Variants in MINDY3 observed in about 807,000 individuals in gnomAD.
MINDY3 encodes the protein ubiquitin carboxyl-terminal hydrolase MINDY-3.
Under a neutral mutation model 69.2 loss-of-function variants are expected in MINDY3, and 38 were observed. The observed-to-expected ratio is 0.55, with a 90% confidence interval of 0.42 to 0.72. The LOEUF (loss-of-function observed/expected upper bound fraction) is 0.72, where lower values mean the gene tolerates loss of function less well. Ranked by LOEUF, MINDY3 falls within the 30% of genes least tolerant of loss-of-function variation. The probability of loss-of-function intolerance (pLI) is 0.00; values close to 1 mark genes in which losing one functional copy is unlikely to be tolerated. For synonymous variants in MINDY3, 192 were observed against 180.1 expected, an observed-to-expected ratio of 1.07 and a Z score of -0.53; for missense variants, 522 against 519.0, an observed-to-expected ratio of 1.01 and a Z score of -0.06.
intron 1 of MINDY3, among the ~76,000 whole-genome samples, chr10:15,848,314 T>G (rs755845888): frequency 1.6e-4 from 25 of 152,144 alleles, no homozygotes; most frequent in Non-Finnish European, 2.6e-4. Context: ...CATTTCAAAC[T>G]TTCTGTCACA....
At chr10:15,839,844 G>A (rs1251826992) in intron 4 of MINDY3, among the ~76,000 whole-genome samples, 1 of 151,582 alleles carries the variant, frequency 6.6e-6, no homozygotes, top group Non-Finnish European at 1.5e-5. Context: ...CTTTTAAAAT[G>A]AGATACAAAG....
At chr10:15,852,986 A>G (rs1324818793) in intron 1 of MINDY3, among the ~76,000 whole-genome samples, 1 of 152,148 alleles carries the variant, frequency 6.6e-6, no homozygotes, top group Non-Finnish European at 1.5e-5. Flanking sequence ...GATTATTTAA[A>G]GTGTAGGGGA....
At position 15,828,496 on chromosome 10, in the gene MINDY3, C is replaced by T. The variant is rs1840242365; in HGVS notation, c.730+5134G>A. Among the ~76,000 whole-genome samples the T allele has an allele frequency of 2.6e-5, 4 of 151,522 alleles. No homozygotes were observed. In the South Asian group the frequency reaches 8.3e-4, roughly 31 times the overall value. Reference sequence around the variant, plus strand: ...ATTGATTGTGGTGATGGCTAAACAACTCTGAGAAAATATTTAAAATACTGA... The same window carrying T: ...ATTGATTGTGGTGATGGCTAAACAATTCTGAGAAAATATTTAAAATACTGA... On this transcript the variant is annotated intron_variant, in intron 8 of 14. Transcript: ENST00000277632.
chr10:15,846,881 G>A (rs893652169), intron 2 of MINDY3, among the ~76,000 whole-genome samples: 3 of 151,792 alleles, frequency 2.0e-5, no homozygotes, highest in Non-Finnish European at 2.9e-5. Flanking sequence ...CCACCACCAC[G>A]CCCGGCTAGT....
intron 8 of MINDY3, among the ~76,000 whole-genome samples, chr10:15,828,795 A>G (rs1237519144): frequency 6.6e-6 from 1 of 152,226 alleles, no homozygotes; most frequent in Non-Finnish European, 1.5e-5. Context: ...TACTAACATG[A>G]GACATACATT....
At chr10:15,850,400 T>C (rs1564531431) in intron 1 of MINDY3, among the ~76,000 whole-genome samples, 1 of 152,234 alleles carries the variant, frequency 6.6e-6, no homozygotes, top group African/African-American at 2.4e-5. Flanking sequence ...CAGAGTCATA[T>C]TTCTCTTCTT....
chr10:15,835,039 T>C (rs575136108), intron 6 of MINDY3, among the ~76,000 whole-genome samples: 2 of 152,224 alleles, frequency 1.3e-5, no homozygotes, highest in South Asian at 4.1e-4. Context: ...GATAGAGATA[T>C]AACATTAAAT....
At chr10:15,834,860 G>A (rs1323600672) in intron 6 of MINDY3, among the ~76,000 whole-genome samples, 1 of 151,860 alleles carries the variant, frequency 6.6e-6, no homozygotes, top group Non-Finnish European at 1.5e-5. Flanking sequence ...ATGTACCGTT[G>A]GTTAAAAGGG....
intron 8 of MINDY3, among the ~76,000 whole-genome samples, chr10:15,825,924 T>A (rs1208523304): frequency 6.6e-6 from 1 of 152,080 alleles, no homozygotes; most frequent in Non-Finnish European, 1.5e-5. Context: ...GACTCTTCTA[T>A]CCCTATCCCA....
At chr10:15,854,012 T>C (rs185990354) in intron 1 of MINDY3, among the ~76,000 whole-genome samples, 5 of 152,202 alleles carry the variant, frequency 3.3e-5, no homozygotes, top group African/African-American at 1.2e-4. Flanking sequence ...TATAATGACA[T>C]ACACTAACAC....
rs757062421 is a variant in MINDY3 at position 15,789,255 on chromosome 10, A to T, written c.1020T>A (p.Asp340Glu). ...CTTCCTATTTAGCTTACTATTCAGG[A>T]TCTGAAACAAGGTCCAATGCTTTCA... ...DVMKALDLVS[D>E]PEYINLMKNK... The change falls in exon 12 of 15, where the codon GAT (aspartate) becomes GAA (glutamate). Residue 340 changes from aspartate to glutamate, a missense_variant. Asp to Glu is a conservative substitution (Grantham distance 45). Coordinates refer to ENST00000277632, the MANE Select transcript of MINDY3 (RefSeq NM_024948.4). The T allele has an allele frequency of 9.9e-6, 16 of 1,609,896 alleles. No homozygotes were observed. Among genetic ancestry groups the T allele is most frequent in the Admixed American group, 1.7e-5 (1 of 59,870 alleles).
At chr10:15,787,887 T>C (rs1837094845) in intron 12 of MINDY3, among the ~76,000 whole-genome samples, 1 of 152,166 alleles carries the variant, frequency 6.6e-6, no homozygotes, top group South Asian at 2.1e-4. Context: ...AGTTATTTCA[T>C]GGGCCATTCT....
intron 10 of MINDY3, among the ~76,000 whole-genome samples, chr10:15,811,120 C>T (rs950980796): frequency 1.3e-5 from 2 of 151,804 alleles, no homozygotes; most frequent in Admixed American, 6.6e-5. Context: ...CCACAAGCTT[C>T]GACTTCTAAA....
intron 13 of MINDY3, 22 bp from the exon 14 acceptor site, chr10:15,782,248 T>A: frequency 6.8e-7 from 1 of 1,475,992 alleles, no homozygotes; most frequent in Non-Finnish European, 9.3e-7. Context: ...AAAGGACTAT[T>A]AACACTTTAA....
intron 12 of MINDY3, among the ~76,000 whole-genome samples, chr10:15,787,394 T>G (rs779430558): frequency 1.1e-4 from 17 of 152,124 alleles, no homozygotes; most frequent in Non-Finnish European, 2.4e-4. Flanking sequence ...CAGAAAAGTT[T>G]TATTTTCCTT....
chr10:15,856,794 T>C (rs1250063017), intron 1 of MINDY3, among the ~76,000 whole-genome samples: 1 of 152,334 alleles, frequency 6.6e-6, no homozygotes, highest in East Asian at 1.9e-4. Context: ...AAATACTACT[T>C]CTGTTAGGTC....
At chr10:15,843,326 T>A in intron 2 of MINDY3, 54 bp from the exon 3 acceptor site, 1 of 1,381,246 alleles carries the variant, frequency 7.2e-7, no homozygotes, top group Non-Finnish European at 1.0e-6. Flanking sequence ...ATACATCATA[T>A]CATTCTTCAA....
intron 10 of MINDY3, among the ~76,000 whole-genome samples, chr10:15,801,102 C>T (rs924720621): frequency 1.3e-5 from 2 of 152,098 alleles, no homozygotes; most frequent in Admixed American, 1.3e-4. Flanking sequence ...TCTCAGAAAC[C>T]ATTAAGAAAA....
chr10:15,796,262 T>A (rs539332702), intron 10 of MINDY3, 90 bp from the exon 11 acceptor site: 2 of 991,392 alleles, frequency 2.0e-6, no homozygotes, highest in Non-Finnish European at 3.2e-6. Flanking sequence ...CATAATGACA[T>A]TGGAGTCAGA....
Sources: allele counts gnomAD v4.1 joint callset (sites outside exome capture counted in the v4.1 genomes callset), GRCh38; gene constraint gnomAD v4.1.1; transcripts MANE v1.5; gene names NCBI Gene and HGNC (gene_info 2026-07-23, HGNC 2026-07-21).